Variants in DLG2 observed in about 807,000 individuals in gnomAD.
The protein encoded by DLG2 is disks large homolog 2.
Under a neutral mutation model 132.5 loss-of-function variants are expected in DLG2, and 45 were observed. That is an observed-to-expected ratio of 0.34 (90% CI 0.27 to 0.44). The LOEUF (loss-of-function observed/expected upper bound fraction) is 0.44. Ranked by LOEUF, DLG2 falls within the 20% of genes least tolerant of loss-of-function variation. The probability of loss-of-function intolerance (pLI) is 1.00; values close to 1 mark genes in which losing one functional copy is unlikely to be tolerated. For missense variants in DLG2, 1,045 were observed against 1,196.9 expected, an observed-to-expected ratio of 0.87 and a Z score of 1.87; for synonymous variants, 424 against 419.6, an observed-to-expected ratio of 1.01 and a Z score of -0.13.
intron 6 of DLG2, among the ~76,000 whole-genome samples, chr11:84,544,858 C>T (rs2099386478): frequency 6.6e-6 from 1 of 152,140 alleles, no homozygotes; most frequent in Non-Finnish European, 1.5e-5. Flanking sequence ...AAAAAGTGGT[C>T]GCTAAAAGTG....
intron 19 of DLG2, among the ~76,000 whole-genome samples, chr11:83,598,752 T>G (rs1273557389): frequency 6.6e-6 from 1 of 152,248 alleles, no homozygotes; most frequent in Non-Finnish European, 1.5e-5. Flanking sequence ...CTAAAATAGA[T>G]GTTACGCTTC....
intron 6 of DLG2, among the ~76,000 whole-genome samples, chr11:84,982,135 T>A (rs1052697880): frequency 1.3e-5 from 2 of 152,150 alleles, no homozygotes; most frequent in Non-Finnish European, 2.9e-5. Context: ...GCCACCTATT[T>A]AGTCCACCAA....
At position 85,163,222 on chromosome 11, in the gene DLG2, CAG is replaced by C. The variant is rs1241454205; in HGVS notation, c.187-8573_187-8572del. Among the ~76,000 whole-genome samples, 218 of 136,758 alleles carry C rather than the reference CAG, an allele frequency of 1.6e-3. 2 individuals are homozygous for C. The highest frequency in any genetic ancestry group is 5.9e-3 in the African/African-American group (204 of 34,782). 89.7% of individuals were successfully genotyped at this position (136,758 alleles called of 152,430 possible). A position where few individuals can be genotyped will look rare whatever the true frequency, so the allele number is the denominator to read the frequency against. On this transcript the variant is annotated intron_variant, in intron 4 of 27. Coordinates refer to ENST00000376104, the MANE Select transcript of DLG2 (RefSeq NM_001142699.3). ...TATATATATTACACACACACACACA[CAG>C]ACACACACACACACACACACTATTA...
intron 3 of DLG2, among the ~76,000 whole-genome samples, chr11:85,501,911 T>A (rs1394737533): frequency 6.6e-6 from 1 of 152,122 alleles, no homozygotes; most frequent in Non-Finnish European, 1.5e-5. Flanking sequence ...ATCAATCCGA[T>A]TACCAGGCAT....
chr11:84,894,077 T>C (rs948970914), intron 6 of DLG2, among the ~76,000 whole-genome samples: 1 of 152,176 alleles, frequency 6.6e-6, no homozygotes, highest in African/African-American at 2.4e-5. Context: ...TATAAATCTA[T>C]GTATACAATG....
At chr11:85,150,705 T>C (rs2077192227) in intron 5 of DLG2, among the ~76,000 whole-genome samples, 1 of 58,742 alleles carries the variant, frequency 1.7e-5, no homozygotes, top group Non-Finnish European at 3.2e-5. Flanking sequence ...ACATAGTGTG[T>C]GTGTGTGTGT....
At chr11:84,862,073 T>G (rs1461419893) in intron 6 of DLG2, among the ~76,000 whole-genome samples, 2 of 149,054 alleles carry the variant, frequency 1.3e-5, no homozygotes, top group African/African-American at 4.9e-5. Context: ...CACTGGGAGA[T>G]ATACCTAATG....
chr11:83,730,394 T>A (rs17146002), intron 18 of DLG2, among the ~76,000 whole-genome samples: 11,849 of 152,176 alleles, frequency 0.078, 1,552 homozygotes, highest in African/African-American at 0.26. Flanking sequence ...ATAATGTATA[T>A]GATTGTGGGA....
chr11:84,971,454 T>TA (rs562992565), intron 6 of DLG2, among the ~76,000 whole-genome samples: 1 of 152,098 alleles, frequency 6.6e-6, no homozygotes, highest in African/African-American at 2.4e-5. Flanking sequence ...GCACTTAAGA[T>TA]AAAAAAACTA....
intron 6 of DLG2, among the ~76,000 whole-genome samples, chr11:84,816,989 A>T (rs917297386): frequency 1.3e-5 from 2 of 152,000 alleles, no homozygotes; most frequent in African/African-American, 4.8e-5. Flanking sequence ...CCATTTTATT[A>T]CCTACTTCCT....
At chr11:85,069,954 C>T (rs946283218) in intron 6 of DLG2, among the ~76,000 whole-genome samples, 1 of 151,942 alleles carries the variant, frequency 6.6e-6, no homozygotes, top group Non-Finnish European at 1.5e-5. Flanking sequence ...ACATATACAC[C>T]ATGGAATACT....
chr11:83,978,642 A>G (rs2092501044), intron 12 of DLG2, among the ~76,000 whole-genome samples: 1 of 152,142 alleles, frequency 6.6e-6, no homozygotes, highest in African/African-American at 2.4e-5. Context: ...GTGGTAAAGC[A>G]GCCCACAACT....
At chr11:83,936,961 G>A (rs1040181900) in intron 14 of DLG2, among the ~76,000 whole-genome samples, 2 of 152,126 alleles carry the variant, frequency 1.3e-5, no homozygotes, top group African/African-American at 4.8e-5. Flanking sequence ...GATCAAGGCC[G>A]TTGAGACATG....
chr11:85,577,735 T>C (rs1439531051), intron 3 of DLG2, among the ~76,000 whole-genome samples: 3 of 151,798 alleles, frequency 2.0e-5, no homozygotes, highest in African/African-American at 4.8e-5. Flanking sequence ...AAATCAGAGA[T>C]TACATAAACA....
intron 6 of DLG2, among the ~76,000 whole-genome samples, chr11:84,831,785 GA>G (rs1426713853): frequency 3.3e-5 from 5 of 151,422 alleles, no homozygotes; most frequent in South Asian, 2.1e-4. Flanking sequence ...TCCCCTCACA[GA>G]AAAAAAGTTT....
chr11:85,172,033 C>T (rs1321716652), intron 4 of DLG2, among the ~76,000 whole-genome samples: 2 of 152,224 alleles, frequency 1.3e-5, no homozygotes, highest in African/African-American at 4.8e-5. Context: ...AGCCTGCTGG[C>T]ACTGAAGAGT....
intron 17 of DLG2, among the ~76,000 whole-genome samples, chr11:83,793,997 A>C (rs954101358): frequency 3.3e-5 from 5 of 152,202 alleles, no homozygotes; most frequent in Non-Finnish European, 7.3e-5. Flanking sequence ...GGACTGGCCC[A>C]AAGTCATACT....
intron 7 of DLG2, among the ~76,000 whole-genome samples, chr11:84,296,682 C>G (rs747589983): frequency 3.3e-5 from 5 of 152,122 alleles, no homozygotes; most frequent in Non-Finnish European, 5.9e-5. Flanking sequence ...TCAAGCAAGC[C>G]TCTCACCTTA....
intron 20 of DLG2, among the ~76,000 whole-genome samples, chr11:83,535,506 T>C (rs979466169): frequency 2.0e-5 from 3 of 152,156 alleles, no homozygotes; most frequent in African/African-American, 7.2e-5. Flanking sequence ...GAAATGTCTC[T>C]GTTAGGAAGA....
Sources: allele counts gnomAD v4.1 joint callset (sites outside exome capture counted in the v4.1 genomes callset), GRCh38; gene constraint gnomAD v4.1.1; transcripts MANE v1.5; gene names NCBI Gene and HGNC (gene_info 2026-07-23, HGNC 2026-07-21).